The following RORA variants were observed in gnomAD, a reference collection of about 807,000 sequenced individuals.
The protein encoded by RORA is RAR related orphan receptor A.
Under a neutral mutation model 69.5 loss-of-function variants are expected in RORA, and 7 were observed. The observed-to-expected ratio is 0.10, with a 90% CI of 0.06 to 0.19. RORA has a LOEUF of 0.19. Among genes scored for constraint, RORA ranks in the 10% least tolerant of loss-of-function variants. The pLI, the probability that RORA is intolerant of heterozygous loss-of-function variation, is 1.00. For synonymous variants in RORA, 261 were observed against 240.8 expected (o/e 1.08, Z -0.78); for missense variants, 457 against 663.0 (o/e 0.69, Z 3.41).
chr15:61,047,949 A>C (rs1042202948), intron 1 of RORA, among the ~76,000 whole-genome samples: 4 of 152,226 alleles, frequency 2.6e-5, no homozygotes, highest in African/African-American at 9.6e-5. Context: ...ATTGTGGCAA[A>C]AATGAGCAAC....
chr15:60,821,790 C>T (rs760463857), intron 1 of RORA, among the ~76,000 whole-genome samples: 2 of 152,218 alleles, frequency 1.3e-5, no homozygotes, highest in African/African-American at 2.4e-5. Flanking sequence ...TCCTCACAAT[C>T]ACTCTACAAG....
At chr15:61,093,804 G>A (rs1162635437) in intron 1 of RORA, among the ~76,000 whole-genome samples, 1 of 152,170 alleles carries the variant, frequency 6.6e-6, no homozygotes, top group Admixed American at 6.5e-5. Context: ...TGTTCCACAA[G>A]GTCTACAAGT....
intron 1 of RORA, among the ~76,000 whole-genome samples, chr15:60,828,032 T>C (rs1178006189): frequency 6.6e-6 from 1 of 152,168 alleles, no homozygotes; most frequent in African/African-American, 2.4e-5. Context: ...ACCAACTATG[T>C]TGGACATTTC....
intron 1 of RORA, among the ~76,000 whole-genome samples, chr15:61,217,984 C>T (rs2080056294): frequency 6.6e-6 from 1 of 152,100 alleles, no homozygotes; most frequent in Non-Finnish European, 1.5e-5. Context: ...TCCTTCCTCC[C>T]CCACTGCTGG....
intron 1 of RORA, among the ~76,000 whole-genome samples, chr15:60,826,597 G>C (rs1157205337): frequency 6.6e-6 from 1 of 151,822 alleles, no homozygotes; most frequent in Admixed American, 6.6e-5. Context: ...AGCAGCTCCT[G>C]CTACTAAAAC....
chr15:60,834,705 C>T (rs572446458), intron 1 of RORA, among the ~76,000 whole-genome samples: 1 of 152,334 alleles, frequency 6.6e-6, no homozygotes, highest in East Asian at 1.9e-4. Context: ...CCCAATGGAC[C>T]TACTTCCATC....
chr15:60,724,458 A>G (rs16943000), intron 1 of RORA, among the ~76,000 whole-genome samples: 13,405 of 152,208 alleles, frequency 0.088, 1,438 homozygotes, highest in African/African-American at 0.25. Context: ...TACACTTTGA[A>G]TGTGGAGCGG....
intron 1 of RORA, among the ~76,000 whole-genome samples, chr15:60,861,184 A>AC (rs2073432851): frequency 6.6e-6 from 1 of 152,188 alleles, no homozygotes; most frequent in Admixed American, 6.5e-5. Flanking sequence ...AGGAAATCAC[A>AC]CATGTAGGTC....
chr15:60,824,523 G>T (rs946078112), intron 1 of RORA, among the ~76,000 whole-genome samples: 2 of 151,904 alleles, frequency 1.3e-5, no homozygotes, highest in Non-Finnish European at 2.9e-5. Context: ...TCAAAACTTG[G>T]TGTGCTCATG....
chr15:60,801,523 G>T (rs555129643), intron 1 of RORA, among the ~76,000 whole-genome samples: 1 of 152,264 alleles, frequency 6.6e-6, no homozygotes, highest in African/African-American at 2.4e-5. Flanking sequence ...CTGGAAAATT[G>T]CTCTGTATCC....
At chr15:60,789,806 A>G (rs1346056010) in intron 1 of RORA, among the ~76,000 whole-genome samples, 2 of 152,218 alleles carry the variant, frequency 1.3e-5, no homozygotes, top group Admixed American at 1.3e-4. Context: ...AAGTGGGTCT[A>G]CTTCTGGTCT....
At chr15:60,678,531 A>G in intron 2 of RORA, 126 bp downstream of exon 2, 1 of 749,648 alleles carries the variant, frequency 1.3e-6, no homozygotes, top group Non-Finnish European at 2.3e-6. Context: ...TTGAAAAAAA[A>G]TGACCTCTGT....
At chr15:60,937,329 T>A (rs1319874563) in intron 1 of RORA, among the ~76,000 whole-genome samples, 2 of 152,222 alleles carry the variant, frequency 1.3e-5, no homozygotes. Flanking sequence ...GTATTTACTG[T>A]CTGGGTGATT....
chr15:60,741,173 G>C (rs930348643), intron 1 of RORA, among the ~76,000 whole-genome samples: 3 of 152,194 alleles, frequency 2.0e-5, no homozygotes, highest in Non-Finnish European at 2.9e-5. Context: ...ATGTGGGACA[G>C]GAAGAGAAAG....
chr15:60,964,652 CTT>C (rs1893501458), intron 1 of RORA, among the ~76,000 whole-genome samples: 1 of 151,736 alleles, frequency 6.6e-6, no homozygotes, highest in African/African-American at 2.4e-5. Context: ...GCCAGCAAGA[CTT>C]GGGGTGAGAT....
intron 2 of RORA, chr15:60,558,264 G>C: frequency 6.2e-7 from 1 of 1,612,530 alleles, no homozygotes; most frequent in African/African-American, 1.3e-5. Flanking sequence ...CTGAAGACAG[G>C]ATACACTGAT....
intron 1 of RORA, among the ~76,000 whole-genome samples, chr15:60,742,461 T>C (rs8029880): frequency 0.028 from 4,268 of 152,272 alleles, 140 homozygotes; most frequent in African/African-American, 0.074. Context: ...AGCTGTTTAA[T>C]ATGCATTACC....
intron 1 of RORA, among the ~76,000 whole-genome samples, chr15:61,195,414 C>T (rs1011854626): frequency 6.6e-6 from 1 of 151,766 alleles, no homozygotes; most frequent in East Asian, 1.9e-4. Flanking sequence ...ACACTAGATA[C>T]GGCAAGGATT....
At chr15:60,900,117 A>G (rs1891345412) in intron 1 of RORA, among the ~76,000 whole-genome samples, 1 of 152,172 alleles carries the variant, frequency 6.6e-6, no homozygotes, top group Non-Finnish European at 1.5e-5. Context: ...CCATAATACA[A>G]CTGGCATCAT....
Sources: allele counts gnomAD v4.1 joint callset (sites outside exome capture counted in the v4.1 genomes callset), GRCh38; gene constraint gnomAD v4.1.1; transcripts MANE v1.5; gene names NCBI Gene and HGNC (gene_info 2026-07-23, HGNC 2026-07-21).